Variants in CDK14 observed in about 807,000 individuals in gnomAD.
CDK14 encodes the protein cyclin dependent kinase 14, also known as cyclin-dependent kinase 14.
Under a neutral mutation model 60.7 loss-of-function variants are expected in CDK14, and 34 were observed. The observed-to-expected ratio is 0.56, with a 90% CI of 0.43 to 0.75. CDK14 has a LOEUF of 0.75. Among genes scored for constraint, CDK14 ranks in the 30% least tolerant of loss-of-function variants. The pLI, the probability that CDK14 is intolerant of heterozygous loss-of-function variation, is 0.00. For synonymous variants in CDK14, 197 were observed against 203.7 expected, an observed-to-expected ratio of 0.97 and a Z score of 0.28; for missense variants, 482 against 564.1, an observed-to-expected ratio of 0.85 and a Z score of 1.47.
At chr7:90,820,658 C>G (rs1789513134) in intron 5 of CDK14, among the ~76,000 whole-genome samples, 1 of 152,158 alleles carries the variant, frequency 6.6e-6, no homozygotes, top group Admixed American at 6.5e-5. Flanking sequence ...TTCTTTATAG[C>G]AGTGTGAAAA....
At chr7:90,980,501 GT>G (rs1795201754) in intron 9 of CDK14, among the ~76,000 whole-genome samples, 1 of 152,144 alleles carries the variant, frequency 6.6e-6, no homozygotes, top group Non-Finnish European at 1.5e-5. Context: ...GTAGAAAGAG[GT>G]GGGGGGAAAG....
Position 90,731,240 on chromosome 7 carries a change from G to GT in CDK14, c.369+4433dup, listed in dbSNP as rs550596214. ...TCTGTTTTTGTACCAGTACCATGCT[G>GT]TTTTTGTTACTGTAGCCTTGTAGTA... On this transcript the variant is annotated intron_variant, in intron 3 of 14. Transcript: ENST00000380050. Among the ~76,000 whole-genome samples the GT allele has an allele frequency of 1.2e-4, 18 of 152,306 alleles. No homozygotes were observed. The East Asian group carries it at 3.1e-3, about 26-fold the overall frequency.
intron 4 of CDK14, among the ~76,000 whole-genome samples, chr7:90,788,562 C>T (rs935990952): frequency 1.3e-5 from 2 of 152,164 alleles, no homozygotes; most frequent in Non-Finnish European, 2.9e-5. Flanking sequence ...GGAGATGGTA[C>T]GTTGTGGAGC....
intron 14 of CDK14, among the ~76,000 whole-genome samples, chr7:91,148,653 G>A (rs1433975415): frequency 6.6e-6 from 1 of 152,216 alleles, no homozygotes; most frequent in Non-Finnish European, 1.5e-5. Context: ...ACAACAATCA[G>A]TGAGTCTGGT....
intron 11 of CDK14, among the ~76,000 whole-genome samples, chr7:91,060,121 C>T (rs1371914391): frequency 2.0e-5 from 3 of 152,172 alleles, no homozygotes; most frequent in Admixed American, 2.0e-4. Context: ...GGATAGTTAG[C>T]TCTTCTTGTT....
At chr7:90,873,941 G>GATATTT (rs1313656879) in intron 6 of CDK14, among the ~76,000 whole-genome samples, 1 of 151,966 alleles carries the variant, frequency 6.6e-6, no homozygotes, top group East Asian at 1.9e-4. Flanking sequence ...TTCAGAATTT[G>GATATTT]ATATTTATAT....
intron 14 of CDK14, among the ~76,000 whole-genome samples, chr7:91,202,089 C>T (rs949376732): frequency 2.0e-5 from 3 of 152,108 alleles, no homozygotes; most frequent in African/African-American, 4.8e-5. Context: ...ACCTGCACAG[C>T]GGGACTGCTC....
chr7:90,957,184 C>T (rs570613763), intron 9 of CDK14, among the ~76,000 whole-genome samples: 5 of 151,644 alleles, frequency 3.3e-5, no homozygotes, highest in East Asian at 1.9e-4. Context: ...CCTGAGGAAT[C>T]GCCACACTGA....
chr7:90,676,332 C>T (rs1397460242), intron 2 of CDK14, among the ~76,000 whole-genome samples: 2 of 151,902 alleles, frequency 1.3e-5, no homozygotes, highest in African/African-American at 2.4e-5. Flanking sequence ...GGAAAATGGC[C>T]GGAAGGCTGT....
intron 2 of CDK14, among the ~76,000 whole-genome samples, chr7:90,656,428 G>A (rs6964789): frequency 0.29 from 42,415 of 147,402 alleles, 6,360 homozygotes; most frequent in Non-Finnish European, 0.34. Flanking sequence ...CACCCAGGCT[G>A]GAGTGCAGTG....
At position 90,641,513 on chromosome 7, in the gene CDK14, G is replaced by A. The variant is rs73223221; in HGVS notation, c.123+37264G>A. ...GATAACATTATGTTAAGTGAAAGAA[G>A]CTAGTCACAAAGGACCACATATTGT... On this transcript the variant is annotated intron_variant, in intron 2 of 14. Transcript: ENST00000380050. Among the ~76,000 whole-genome samples the A allele has an allele frequency of 1.2e-3, 181 of 152,312 alleles. 1 individual carries two copies. The highest frequency in any genetic ancestry group is 2.1e-3 in the Non-Finnish European group (140 of 68,028).
intron 14 of CDK14, among the ~76,000 whole-genome samples, chr7:91,173,869 G>C (rs1026172638): frequency 6.6e-6 from 1 of 152,178 alleles, no homozygotes; most frequent in Non-Finnish European, 1.5e-5. Flanking sequence ...AGGCGGCAGC[G>C]AGGCTGGGGG....
chr7:90,884,192 C>G (rs534112842), intron 6 of CDK14, among the ~76,000 whole-genome samples: 225 of 152,268 alleles, frequency 1.5e-3, no homozygotes, highest in African/African-American at 5.1e-3. Context: ...ACCCAATCAT[C>G]TGAGCCCAAA....
chr7:90,908,031 A>T (rs959329630), intron 7 of CDK14, among the ~76,000 whole-genome samples: 1 of 152,166 alleles, frequency 6.6e-6, no homozygotes, highest in Admixed American at 6.6e-5. Context: ...CTGTATTTTA[A>T]TTAAGAAATA....
intron 8 of CDK14, among the ~76,000 whole-genome samples, chr7:90,931,590 A>G (rs1327720686): frequency 2.0e-5 from 3 of 152,146 alleles, no homozygotes; most frequent in Non-Finnish European, 4.4e-5. Flanking sequence ...TGTATGGCTG[A>G]TGTGATGGGG....
intron 8 of CDK14, among the ~76,000 whole-genome samples, chr7:90,947,355 C>T (rs1198426606): frequency 2.6e-5 from 4 of 152,182 alleles, no homozygotes; most frequent in Non-Finnish European, 1.5e-5. Context: ...GCAACCTGTT[C>T]CCAAGTTCCC....
At chr7:91,044,962 T>C (rs1417539261) in intron 10 of CDK14, among the ~76,000 whole-genome samples, 1 of 152,160 alleles carries the variant, frequency 6.6e-6, no homozygotes, top group Non-Finnish European at 1.5e-5. Context: ...CTCCACACAA[T>C]TGAGGTAGAT....
chr7:90,947,032 C>A (rs1243059215), intron 8 of CDK14, among the ~76,000 whole-genome samples: 1 of 152,218 alleles, frequency 6.6e-6, no homozygotes, highest in Non-Finnish European at 1.5e-5. Context: ...CAGACCCTAG[C>A]TTGAAGTTTC....
chr7:90,982,553 G>A (rs1427989796), intron 9 of CDK14, among the ~76,000 whole-genome samples: 2 of 152,180 alleles, frequency 1.3e-5, no homozygotes, highest in Non-Finnish European at 2.9e-5. Flanking sequence ...ATGCAAAGAG[G>A]ATTGAGAACC....
Sources: allele counts gnomAD v4.1 joint callset (sites outside exome capture counted in the v4.1 genomes callset), GRCh38; gene constraint gnomAD v4.1.1; transcripts MANE v1.5; gene names NCBI Gene and HGNC (gene_info 2026-07-23, HGNC 2026-07-21).